SEC14L4: variants seen among roughly 807,000 people sequenced by gnomAD.
The protein encoded by SEC14L4 is SEC14-like protein 4.
In SEC14L4, 42 loss-of-function variants were observed where a neutral mutation model predicts 55.1. The observed-to-expected ratio is 0.76, with a 90% CI of 0.60 to 0.99. SEC14L4 has a LOEUF of 0.99. Ranked by LOEUF, SEC14L4 falls within the 50% of genes least tolerant of loss-of-function variation. SEC14L4 has a pLI of 0.00. For missense variants in SEC14L4, 445 were observed against 512.1 expected, an observed-to-expected ratio of 0.87 and a Z score of 1.27; for synonymous variants, 206 against 206.8, an observed-to-expected ratio of 1.00 and a Z score of 0.03.
rs762643155 is a variant in SEC14L4, at chr22:30,495,598, T to C, written c.219A>G (p.Thr73=). 1 of 1,613,920 alleles carries C rather than the reference T, an allele frequency of 6.2e-7. No individual in the cohort carries two copies. Among genetic ancestry groups the C allele is most frequent in the South Asian group, 1.1e-5 (1 of 91,070 alleles). The change falls in exon 4 of 12, where the codon ACA becomes ACG. Residue 73 remains threonine (T), a synonymous_variant. Coordinates refer to ENST00000255858, the MANE Select transcript of SEC14L4 (RefSeq NM_174977.4). The part of the protein sequence containing the change: ...RKQQDLDNIV[T]WQPPEVIQLY... ...CGAGGCTCACCTCAGGGGGCTGCCATGTGACAATGTTGTCCAGGTCTTGTT... is the reference window on the plus strand; with the variant it reads ...CGAGGCTCACCTCAGGGGGCTGCCACGTGACAATGTTGTCCAGGTCTTGTT...
intron 2 of SEC14L4, among the ~76,000 whole-genome samples, chr22:30,500,935 C>T (rs1309419409): frequency 6.6e-6 from 1 of 151,324 alleles, no homozygotes; most frequent in Non-Finnish European, 1.5e-5. Context: ...GTGGCTCATA[C>T]CTGTAATCCC....
rs1935876030 is a variant in SEC14L4 at position 30,489,253 on chromosome 22, G to GTTTGT, written c.*853_*854insACAAA. 2 of 154,242 alleles carry GTTTGT rather than the reference G, an allele frequency of 1.3e-5. No homozygotes were observed. Among genetic ancestry groups the GTTTGT allele is most frequent in the Non-Finnish European group, 1.4e-5 (1 of 70,112 alleles). 9.6% of individuals were successfully genotyped at this position (154,242 alleles called of 1,614,324 possible). A position where few individuals can be genotyped will look rare whatever the true frequency, so the allele number is the denominator to read the frequency against. ...TATTTGTTTGTTTGTTTGTTTGTTT[G>GTTTGT]TTTAGAGACGGAGTCTGGCTCTGTT... On this transcript the variant is annotated 3_prime_UTR_variant, in exon 12 of 12. Coordinates refer to ENST00000255858, the MANE Select transcript of SEC14L4 (RefSeq NM_174977.4).
At chr22:30,504,241 G>T (rs1364047757) in intron 1 of SEC14L4, among the ~76,000 whole-genome samples, 4 of 151,912 alleles carry the variant, frequency 2.6e-5, no homozygotes, top group Non-Finnish European at 5.9e-5. Flanking sequence ...TTTTTGTAGA[G>T]ATGGGATCTT....
rs1369359537 is a variant in SEC14L4, at chr22:30,489,221, C to CTTTGTTTG, written c.*885_*886insCAAACAAA. On this transcript the variant is annotated 3_prime_UTR_variant, in exon 12 of 12. Coordinates refer to ENST00000255858, the MANE Select transcript of SEC14L4 (RefSeq NM_174977.4). ...GCCCCACCTCTCCATGTCCAATGTT[C>CTTTGTTTG]TTTCTTTATTTGTTTGTTTGTTTGT... is the stretch of plus-strand genomic sequence containing the variant. The CTTTGTTTG allele has an allele frequency of 7.3e-6, 1 of 136,526 alleles. No individual in the cohort carries two copies. The highest frequency in any genetic ancestry group is 2.3e-4 in the South Asian group (1 of 4,258). 8.5% of individuals were successfully genotyped at this position (136,526 alleles called of 1,614,324 possible).
At chr22:30,501,781 A>G (rs1324799320) in intron 2 of SEC14L4, among the ~76,000 whole-genome samples, 1 of 149,904 alleles carries the variant, frequency 6.7e-6, no homozygotes, top group Non-Finnish European at 1.5e-5. Context: ...TATATTTGCA[A>G]TTTTCTGAAA....
At chr22:30,492,187 G>A (rs1601842904) in intron 8 of SEC14L4, 32 bp from the exon 9 acceptor site, 1 of 1,580,864 alleles carries the variant, frequency 6.3e-7, no homozygotes, top group South Asian at 1.1e-5. Flanking sequence ...ACTCCAAAGG[G>A]ACTCAGGAGA....
chr22:30,502,946 T>C (rs1372135944), intron 2 of SEC14L4, among the ~76,000 whole-genome samples: 2 of 152,262 alleles, frequency 1.3e-5, no homozygotes, highest in African/African-American at 4.8e-5. Context: ...GCTGGGCACC[T>C]GCTCAGTGCA....
chr22:30,492,269 C>T, intron 8 of SEC14L4, 114 bp from the exon 9 acceptor site: 4 of 1,362,522 alleles, frequency 2.9e-6, no homozygotes, highest in East Asian at 2.5e-5. Context: ...CCCCCGGGCA[C>T]CTACTCCTAA....
intron 2 of SEC14L4, among the ~76,000 whole-genome samples, chr22:30,501,886 C>A (rs1555877970): frequency 1.1e-5 from 1 of 88,540 alleles, no homozygotes; most frequent in South Asian, 3.2e-4. Flanking sequence ...CATACACATA[C>A]TTTTTTTTTT....
At chr22:30,496,592 T>G (rs1936160475) in intron 2 of SEC14L4, among the ~76,000 whole-genome samples, 1 of 151,804 alleles carries the variant, frequency 6.6e-6, no homozygotes. Context: ...AGTGTTAGGG[T>G]TGGTGGGGAG....
chr22:30,494,148 A>G lies in SEC14L4; in HGVS notation c.580+2T>C, dbSNP rs1569242296. ...AGGAGGTCATCCCGGTCATGGGCTT[A>G]CCTCGAATAACAATTAAATTCTTCA... On this transcript the variant is annotated splice_donor_variant, in intron 7 of 11. Transcript: ENST00000255858. LOFTEE classifies it high-confidence loss of function. 6.2e-7 allele frequency: 1 copy of G among 1,611,930 alleles called. No homozygotes were observed. The highest frequency in any genetic ancestry group is 1.7e-5 in the Admixed American group (1 of 60,000).
chr22:30,494,250 TCA>T, intron 6 of SEC14L4, 40 bp from the exon 7 acceptor site: 1 of 1,533,590 alleles, frequency 6.5e-7, no homozygotes, highest in South Asian at 1.1e-5. Flanking sequence ...CTCTGTTCCA[TCA>T]CCTCCCGCCC....
At chr22:30,496,605 T>C (rs1027380158) in intron 2 of SEC14L4, among the ~76,000 whole-genome samples, 32 of 152,084 alleles carry the variant, frequency 2.1e-4, no homozygotes, top group African/African-American at 7.5e-4. Context: ...GTGGGGAGCA[T>C]GGGGTTTGGA....
intron 11 of SEC14L4, among the ~76,000 whole-genome samples, chr22:30,490,928 A>C (rs1935931580): frequency 6.6e-6 from 1 of 152,164 alleles, no homozygotes. Context: ...CTTCAATGCC[A>C]AGGTCCAACA....
intron 2 of SEC14L4, among the ~76,000 whole-genome samples, chr22:30,502,093 T>A (rs1420552437): frequency 6.6e-6 from 1 of 151,798 alleles, no homozygotes; most frequent in African/African-American, 2.4e-5. Flanking sequence ...CTCGAACTCC[T>A]GGCCTCAAGT....
intron 2 of SEC14L4, among the ~76,000 whole-genome samples, chr22:30,502,394 T>C (rs1187738935): frequency 6.6e-6 from 1 of 152,162 alleles, no homozygotes; most frequent in Non-Finnish European, 1.5e-5. Context: ...TGGAACTCAG[T>C]CACAGCTCTG....
At chr22:30,501,774 AT>A (rs577902203) in intron 2 of SEC14L4, among the ~76,000 whole-genome samples, 161 of 150,846 alleles carry the variant, frequency 1.1e-3, no homozygotes, top group Non-Finnish European at 1.8e-3. Context: ...TTTGCACTAT[AT>A]TTGCAATTTT....
chr22:30,497,685 G>A (rs577431702), intron 2 of SEC14L4, among the ~76,000 whole-genome samples: 101 of 152,282 alleles, frequency 6.6e-4, no homozygotes, highest in Middle Eastern at 3.4e-3. Context: ...CATCATCAGA[G>A]GTCAAACAAA....
chr22:30,495,793 G>A, intron 3 of SEC14L4, 135 bp downstream of exon 3: 1 of 1,594,916 alleles, frequency 6.3e-7, no homozygotes. Flanking sequence ...ACTTGGGTCT[G>A]ATGCAGAAAG....
Sources: allele counts gnomAD v4.1 joint callset (sites outside exome capture counted in the v4.1 genomes callset), GRCh38; gene constraint gnomAD v4.1.1; transcripts MANE v1.5; gene names NCBI Gene and HGNC (gene_info 2026-07-23, HGNC 2026-07-21).